PNPLA4: variants seen among roughly 807,000 people sequenced by gnomAD.
PNPLA4 encodes patatin like domain 4, phospholipase and triacylglycerol lipase, also known as patatin-like phospholipase domain-containing protein 4.
In PNPLA4, 15 loss-of-function variants were observed where a neutral mutation model predicts 18.3. That is an observed-to-expected ratio of 0.82 (90% confidence interval 0.55 to 1.26). PNPLA4 has a LOEUF of 1.26. PNPLA4 is among the 50% of genes most tolerant of loss of function. The pLI is 0.00. For synonymous variants in PNPLA4, 88 were observed against 85.6 expected (o/e 1.03, Z -0.16); for missense variants, 229 against 196.8 (o/e 1.16, Z -0.98).
chrX:7,918,370 A>G (rs766157824), intron 4 of PNPLA4, among the ~76,000 whole-genome samples: 19 of 111,758 alleles, frequency 1.7e-4, no homozygotes, highest in Non-Finnish European at 3.2e-4. Flanking sequence ...CAAAAGCAGA[A>G]ACCCCTTATA....
intron 1 of PNPLA4, among the ~76,000 whole-genome samples, 195 bp from the exon 2 acceptor site, chrX:7,926,327 A>G (rs1218949684): frequency 1.8e-5 from 2 of 112,374 alleles, no homozygotes; most frequent in African/African-American, 6.5e-5. Context: ...ACCTTGACCC[A>G]AGTCTTATAC....
rs59034856 is a variant in PNPLA4 at position 7,899,626 on chromosome X, C to CGAGAGAGAGAGAGAGAGAGAGA, written c.*1038_*1059dup. On this transcript the variant is annotated 3_prime_UTR_variant, in exon 7 of 7. Transcript: ENST00000381042. The stretch of plus-strand genomic sequence containing the variant: ...TAGCTAAATACTCAGAGAGGTATGG[C>CGAGAGAGAGAGAGAGAGAGAGA]GAGAGAGAGAGAGAGAGAGAGAGAG... 1.1e-4 allele frequency: 5 copies of CGAGAGAGAGAGAGAGAGAGAGA among 46,571 alleles called. No homozygotes were observed. Among genetic ancestry groups the CGAGAGAGAGAGAGAGAGAGAGA allele is most frequent in the African/African-American group, 4.1e-4 (5 of 12,325 alleles). 3.8% of individuals were successfully genotyped at this position (46,571 alleles called of 1,213,427 possible).
chrX:7,900,734 A>G lies in PNPLA4; in HGVS notation c.714T>C (p.Gly238=), dbSNP rs1444544842. Residue 238 remains glycine, a synonymous_variant, in exon 7 of 7, where the codon GGT becomes GGC. Transcript: ENST00000381042. ...GTAAAAACTTAACAGTGTCATCAAA[A>G]CCACACTGATACAAAGATTCCATTT... ...KRKMESLYQC[G]FDDTVKFLLK... The G allele has an allele frequency of 4.2e-6, 5 of 1,189,696 alleles. No individual in the cohort carries two copies.
chrX:7,909,707 T>C (rs1923815261), intron 5 of PNPLA4, among the ~76,000 whole-genome samples: 1 of 111,419 alleles, frequency 9.0e-6, no homozygotes, highest in Admixed American at 9.6e-5. Context: ...GACCTCATGA[T>C]GAACAAGAGC....
Position 7,921,738 on chromosome X carries a change from A to G in PNPLA4, c.386T>C (p.Phe129Ser). ...KTRENHLVST[F>S]SSREDLIKVL... The stretch of plus-strand genomic sequence containing the variant: ...CTTAATGAGGTCCTCCCTGGAGGAA[A>G]AAGTGGAGACTAAGTGATTTTCTCT... Residue 129 changes from phenylalanine (F) to serine (S), a missense_variant, in exon 4 of 7, where the codon TTT becomes TCT. Phe to Ser is a radical substitution (Grantham distance 155). Coordinates refer to ENST00000381042, the MANE Select transcript of PNPLA4 (RefSeq NM_004650.3). The G allele has an allele frequency of 8.3e-7, 1 of 1,209,938 alleles. No homozygotes were observed. The highest frequency in any genetic ancestry group is 1.1e-6 in the Non-Finnish European group (1 of 893,806).
chrX:7,902,204 G>A (rs997252605), intron 5 of PNPLA4, 63 bp from the exon 6 acceptor site: 9 of 1,030,675 alleles, frequency 8.7e-6, no homozygotes, highest in Non-Finnish European at 1.2e-5. Context: ...AAGAAAAGCA[G>A]CTTCTAATAA....
At chrX:7,910,462 C>CTT (rs1407161864) in intron 5 of PNPLA4, among the ~76,000 whole-genome samples, 1 of 109,814 alleles carries the variant, frequency 9.1e-6, no homozygotes, top group African/African-American at 3.3e-5. Flanking sequence ...TGTATGTACT[C>CTT]TTTTATTAAT....
chrX:7,913,076 A>G (rs1439450977), intron 4 of PNPLA4, among the ~76,000 whole-genome samples: 1 of 111,960 alleles, frequency 8.9e-6, no homozygotes, highest in Non-Finnish European at 1.9e-5. Flanking sequence ...CCAGCATAAC[A>G]ATTTCCATAG....
intron 5 of PNPLA4, 38 bp downstream of exon 5, chrX:7,911,990 T>A: frequency 2.2e-6 from 2 of 925,832 alleles, no homozygotes; most frequent in Non-Finnish European, 3.1e-6. Context: ...CATATTAATA[T>A]AGGGAGGAGG....
At position 7,900,406 on chromosome X, in the gene PNPLA4, C is replaced by T. The variant is rs1303471909; in HGVS notation, c.*280G>A. ...TCCATTTTCCATGTTCCTCAATTTA[C>T]CCAAAGAACCTATCCTCCTCCATTT... On this transcript the variant is annotated 3_prime_UTR_variant, in exon 7 of 7. Transcript: ENST00000381042. 6.8e-6 allele frequency: 1 copy of T among 147,493 alleles called. No individual in the cohort carries two copies. The highest frequency in any genetic ancestry group is 1.3e-5 in the Non-Finnish European group (1 of 76,894). The allele number at this position is 147,493 out of a possible 1,213,427, so 12.2% of individuals were successfully genotyped here. A position where few individuals can be genotyped will look rare whatever the true frequency, so the allele number is the denominator to read the frequency against.
chrX:7,903,850 ATTATGTG>A (rs1330660046), intron 5 of PNPLA4, among the ~76,000 whole-genome samples: 1 of 111,829 alleles, frequency 8.9e-6, no homozygotes, highest in Non-Finnish European at 1.9e-5. Flanking sequence ...ATTATGATAT[ATTATGTG>A]TTATGTGTAT....
chrX:7,900,820 A>G lies in PNPLA4; in HGVS notation c.631-3T>C. The G allele has an allele frequency of 8.4e-7, 1 of 1,191,884 alleles. No homozygotes were observed. Among genetic ancestry groups the G allele is most frequent in the Non-Finnish European group, 1.1e-6 (1 of 883,982 alleles). On this transcript the variant is annotated splice_region_variant and splice_polypyrimidine_tract_variant and intron_variant, in intron 6 of 6. Transcript: ENST00000381042. The stretch of plus-strand genomic sequence containing the variant: ...CTCACCAGGTTTGCCAGGGACAACT[A>G]GAATAAAAAGACCAAAATTTAAGCT...
At chrX:7,904,904 T>C (rs1327426384) in intron 5 of PNPLA4, among the ~76,000 whole-genome samples, 2 of 112,000 alleles carry the variant, frequency 1.8e-5, no homozygotes, top group African/African-American at 6.5e-5. Flanking sequence ...CATATCACCA[T>C]CATCCTCAAA....
At chrX:7,901,062 G>A (rs1211426175) in intron 6 of PNPLA4, among the ~76,000 whole-genome samples, 1 of 111,459 alleles carries the variant, frequency 9.0e-6, no homozygotes, top group African/African-American at 3.3e-5. Flanking sequence ...ACTGCAGGAC[G>A]TTTAACACCA....
chrX:7,911,109 C>T (rs1320907183), intron 5 of PNPLA4, among the ~76,000 whole-genome samples: 1 of 109,607 alleles, frequency 9.1e-6, no homozygotes, highest in Non-Finnish European at 1.9e-5. Flanking sequence ...ATAGATACTG[C>T]ATTTAATTAC....
At chrX:7,908,187 C>T (rs1362959444) in intron 5 of PNPLA4, among the ~76,000 whole-genome samples, 2 of 111,760 alleles carry the variant, frequency 1.8e-5, no homozygotes, top group Non-Finnish European at 3.8e-5. Flanking sequence ...ACAAAAGTCA[C>T]AAGTGGAGAG....
chrX:7,904,245 C>T (rs756354896), intron 5 of PNPLA4, among the ~76,000 whole-genome samples: 264 of 112,307 alleles, frequency 2.4e-3, no homozygotes, highest in Middle Eastern at 4.6e-3. Context: ...CTGATTTATT[C>T]AACTTAATGA....
upstream of PNPLA4, chrX:7,927,666 C>T (rs1031026625): frequency 8.8e-6 from 1 of 113,049 alleles, no homozygotes; most frequent in Admixed American, 9.3e-5. Flanking sequence ...CTACTTGGCC[C>T]TTACCTGCGA....
In PNPLA4 at chrX:7,900,548, TCAAATATTAAAAATAAACA is replaced by T; in HGVS notation, c.*119_*137del. The T allele has an allele frequency of 4.6e-6, 2 of 438,987 alleles. No homozygotes were observed. The highest frequency in any genetic ancestry group is 4.7e-5 in the Admixed American group (1 of 21,300). The allele number at this position is 438,987 out of a possible 1,213,427, so 36.2% of individuals were successfully genotyped here. On this transcript the variant is annotated 3_prime_UTR_variant, in exon 7 of 7. Transcript: ENST00000381042. ...TTATATCCATGTGCTAAGTAATAAT[TCAAATATTAAAAATAAACA>T]CAAATATTACAAGGAGTAATACAAT... is the stretch of plus-strand genomic sequence containing the variant.
Sources: gnomAD v4.1 joint callset for allele counts (sites outside exome capture counted in the v4.1 genomes callset) on GRCh38, gnomAD v4.1.1 for gene constraint, MANE v1.5 for transcripts, NCBI Gene and HGNC (gene_info 2026-07-23, HGNC 2026-07-21) for gene names.